Variants in ZNF736 observed in about 807,000 individuals in gnomAD.
ZNF736 encodes the protein zinc finger protein 736, also known as KRAB-containing zinc-finger repressor protein.
Under a neutral mutation model 11.7 loss-of-function variants are expected in ZNF736, and 6 were observed. The ratio of observed to expected loss-of-function variants is 0.51; its 90% CI spans 0.28 to 1.01. The LOEUF (loss-of-function observed/expected upper bound fraction) is 1.01. ZNF736 is among the 50% of genes least tolerant of loss of function. The pLI is 0.09. For missense variants in ZNF736, 444 were observed against 496.0 expected, an observed-to-expected ratio of 0.90 and a Z score of 1.00; for synonymous variants, 139 against 164.7, an observed-to-expected ratio of 0.84 and a Z score of 1.19.
intron 1 of ZNF736, among the ~76,000 whole-genome samples, chr7:64,326,835 CTG>C (rs1789089364): frequency 2.0e-5 from 3 of 151,886 alleles, no homozygotes; most frequent in African/African-American, 7.3e-5. Flanking sequence ...TTTAATTTCT[CTG>C]TGTTTGTATA....
intron 1 of ZNF736, 141 bp from the exon 2 acceptor site, chr7:64,336,118 A>G: frequency 1.1e-6 from 1 of 945,736 alleles, no homozygotes; most frequent in East Asian, 2.6e-5. Context: ...ACTAGAGAAT[A>G]TTTCTGTGCT....
intron 1 of ZNF736, among the ~76,000 whole-genome samples, chr7:64,332,888 C>T (rs778323827): frequency 6.6e-6 from 1 of 152,134 alleles, no homozygotes; most frequent in Non-Finnish European, 1.5e-5. Flanking sequence ...GTACTCAGAC[C>T]TTATGGTTGT....
intron 1 of ZNF736, among the ~76,000 whole-genome samples, chr7:64,322,339 A>G (rs756467347): frequency 2.6e-5 from 4 of 152,126 alleles, no homozygotes; most frequent in Non-Finnish European, 4.4e-5. Flanking sequence ...TTTATTTTTT[A>G]TGCTGCCACT....
At chr7:64,321,475 C>T (rs1055037539) in intron 1 of ZNF736, among the ~76,000 whole-genome samples, 1 of 152,130 alleles carries the variant, frequency 6.6e-6, no homozygotes, top group Non-Finnish European at 1.5e-5. Context: ...GGCTAGACTG[C>T]CAGTATTATG....
intron 1 of ZNF736, among the ~76,000 whole-genome samples, chr7:64,328,749 G>A (rs777948098): frequency 3.9e-5 from 6 of 151,980 alleles, no homozygotes; most frequent in Non-Finnish European, 7.4e-5. Flanking sequence ...GCGACAGAGC[G>A]AGGCTCTGTC....
intron 1 of ZNF736, among the ~76,000 whole-genome samples, chr7:64,324,846 A>G (rs1789061258): frequency 6.6e-6 from 1 of 152,230 alleles, no homozygotes; most frequent in African/African-American, 2.4e-5. Flanking sequence ...AAACTAAATA[A>G]TTCAAAATTT....
Position 64,348,424 on chromosome 7 carries a change from T to G in ZNF736, c.561T>G (p.Asp187Glu). The G allele has an allele frequency of 6.5e-7, 1 of 1,550,344 alleles. No homozygotes were observed. Among genetic ancestry groups the G allele is most frequent in the Non-Finnish European group, 8.7e-7 (1 of 1,146,850 alleles). Residue 187 changes from aspartate to glutamate, a missense_variant, in exon 4 of 4, where the codon GAT becomes GAG. Physicochemically the swap from Asp to Glu is conservative, Grantham distance 45. Transcript: ENST00000423484. ...GCAAAGACTGTAGGTTGTTCTCAGATTTTACTAGACATAAGAAAATTCATA... is the reference window on the plus strand; with the variant it reads ...GCAAAGACTGTAGGTTGTTCTCAGAGTTTACTAGACATAAGAAAATTCATA... The part of the protein sequence containing the change: ...ECGKDCRLFS[D>E]FTRHKKIHTV...
Position 64,336,989 on chromosome 7 carries a change from G to A in ZNF736, c.226+7G>A. ...GCAGTAGCCAAACACCCAGGTAGGT[G>A]GGAGTGAATGAAGCAGATGACACAA... On this transcript the variant is annotated splice_region_variant and intron_variant, in intron 3 of 3. Transcript: ENST00000423484. 6.3e-7 allele frequency: 1 copy of A among 1,594,650 alleles called. No homozygotes were observed. The highest frequency in any genetic ancestry group is 2.3e-5 in the East Asian group (1 of 43,938).
chr7:64,320,736 A>C (rs1042482860), intron 1 of ZNF736, among the ~76,000 whole-genome samples: 3 of 152,208 alleles, frequency 2.0e-5, no homozygotes, highest in African/African-American at 7.2e-5. Flanking sequence ...GCCCTCTTAA[A>C]ATGTACTTTG....
chr7:64,329,381 C>T (rs1310451802), intron 1 of ZNF736, among the ~76,000 whole-genome samples: 1 of 152,032 alleles, frequency 6.6e-6, no homozygotes, highest in Non-Finnish European at 1.5e-5. Context: ...TTTTTAATAC[C>T]TGTCTTTCTT....
In ZNF736 at chr7:64,353,772, T is replaced by C. The variant is rs1025722682; in HGVS notation, c.*4625T>C. On this transcript the variant is annotated 3_prime_UTR_variant, in exon 4 of 4. Coordinates refer to ENST00000423484, the MANE Select transcript of ZNF736 (RefSeq NM_001170905.3). ...GTAAGTGATCAGGATAATAATCTGC[T>C]TAGTAAGAGAAACAATTTGAATTTT... 1 of 152,210 alleles carries C rather than the reference T, an allele frequency of 6.6e-6. No homozygotes were observed. Among genetic ancestry groups the C allele is most frequent in the Non-Finnish European group, 1.5e-5 (1 of 68,044 alleles). The allele number at this position is 152,210 out of a possible 1,614,324, so 9.4% of individuals were successfully genotyped here. A position where few individuals can be genotyped will look rare whatever the true frequency, so the allele number is the denominator to read the frequency against.
chr7:64,320,169 A>G (rs1490097022), intron 1 of ZNF736, among the ~76,000 whole-genome samples: 2 of 152,228 alleles, frequency 1.3e-5, no homozygotes, highest in African/African-American at 4.8e-5. Flanking sequence ...GAAATAACAA[A>G]AAAATTGTAG....
rs1403534922 is a variant in ZNF736, at chr7:64,336,384, G to A, written c.129G>A (p.Leu43=). 1.9e-6 allele frequency: 3 copies of A among 1,605,962 alleles called. No individual in the cohort carries two copies. In the South Asian group the frequency reaches 3.4e-5, roughly 18 times the overall value. ...AGAACTATGGAAACCTGGTCTCCTT[G>A]GGTGAGAATAACTTCAATATACAAC... is the stretch of plus-strand genomic sequence containing the variant. The part of the protein sequence containing the change: ...MLENYGNLVS[L]GLAIFKPDLM... The change falls in exon 2 of 4, where the codon TTG becomes TTA. Residue 43 remains leucine (L), a splice_region_variant and synonymous_variant. Transcript: ENST00000423484.
chr7:64,356,406 A>G lies in ZNF736; in HGVS notation c.*7259A>G, dbSNP rs2115997274. 6.6e-6 allele frequency among the ~76,000 whole-genome samples: 1 copy of G among 152,306 alleles called. No individual in the cohort carries two copies. Among genetic ancestry groups the G allele is most frequent in the South Asian group, 2.1e-4 (1 of 4,832 alleles). On this transcript the variant is annotated 3_prime_UTR_variant, in exon 4 of 4. Transcript: ENST00000423484. ...ATTGTCAAGTGTGTTGATTTCTAAGATAAAATATTTGAGAATTAATATTAC... is the reference window on the plus strand; with the variant it reads ...ATTGTCAAGTGTGTTGATTTCTAAGGTAAAATATTTGAGAATTAATATTAC...
chr7:64,345,264 TGC>T (rs1789392800), intron 3 of ZNF736, among the ~76,000 whole-genome samples: 1 of 151,216 alleles, frequency 6.6e-6, no homozygotes, highest in African/African-American at 2.4e-5. Context: ...TCTCATGATC[TGC>T]CCGCCTCGGC....
At chr7:64,336,409 C>T (rs772926961) in intron 2 of ZNF736, 24 bp downstream of exon 2, 12 of 1,559,564 alleles carry the variant, frequency 7.7e-6, no homozygotes, top group Non-Finnish European at 6.1e-6. Context: ...CAATATACAA[C>T]TCATATTCTA....
intron 1 of ZNF736, among the ~76,000 whole-genome samples, chr7:64,335,585 C>G (rs542782241): frequency 1.1e-3 from 165 of 152,180 alleles, no homozygotes; most frequent in African/African-American, 3.7e-3. Flanking sequence ...TTAATAGATA[C>G]CTTGGGGAGT....
At chr7:64,335,622 T>G (rs1789236939) in intron 1 of ZNF736, among the ~76,000 whole-genome samples, 1 of 152,226 alleles carries the variant, frequency 6.6e-6, no homozygotes, top group South Asian at 2.1e-4. Flanking sequence ...AAAAACAAGA[T>G]TTAGCCATGT....
chr7:64,314,005 G>T lies in ZNF736; in HGVS notation c.-146G>T, dbSNP rs1788874410. 1.8e-6 allele frequency: 2 copies of T among 1,120,038 alleles called. No homozygotes were observed. The highest frequency in any genetic ancestry group is 1.5e-5 in the African/African-American group (1 of 64,688). The allele number at this position is 1,120,038 out of a possible 1,614,324, so 69.4% of individuals were successfully genotyped here. Reference sequence around the variant, plus strand: ...GGGGCCTTTGTCTCCTAGCTTCCGGGCTCTGATCCTAGTTCGCGTCTCCAC... The same window carrying T: ...GGGGCCTTTGTCTCCTAGCTTCCGGTCTCTGATCCTAGTTCGCGTCTCCAC... On this transcript the variant is annotated 5_prime_UTR_variant, in exon 1 of 4. Transcript: ENST00000423484.
Sources: allele counts gnomAD v4.1 joint callset (sites outside exome capture counted in the v4.1 genomes callset), GRCh38; gene constraint gnomAD v4.1.1; transcripts MANE v1.5; gene names NCBI Gene and HGNC (gene_info 2026-07-23, HGNC 2026-07-21).